The following CNTN1 variants were observed in gnomAD, a reference collection of about 807,000 sequenced individuals.
CNTN1 encodes contactin 1.
CNTN1 carries 38 observed loss-of-function variants against 126.4 expected under a neutral mutation model. The observed-to-expected ratio is 0.30, with a 90% confidence interval of 0.23 to 0.39. CNTN1 has a LOEUF of 0.39. CNTN1 is among the 10% of genes least tolerant of loss of function. The pLI, the probability that CNTN1 is intolerant of heterozygous loss-of-function variation, is 1.00. For missense variants in CNTN1, 1,009 were observed against 1,248.4 expected (o/e 0.81, Z 2.89); for synonymous variants, 413 against 422.6 (o/e 0.98, Z 0.28).
At chr12:40,696,039 G>T (rs926450749) in intron 1 of CNTN1, among the ~76,000 whole-genome samples, 31 of 152,312 alleles carry the variant, frequency 2.0e-4, no homozygotes, top group African/African-American at 7.5e-4. Context: ...GATTATCATA[G>T]CACTTACGTG....
At chr12:40,861,114 A>T (rs1468367117) in intron 1 of CNTN1, among the ~76,000 whole-genome samples, 1 of 152,148 alleles carries the variant, frequency 6.6e-6, no homozygotes, top group Non-Finnish European at 1.5e-5. Flanking sequence ...TTGGAAAGAA[A>T]CACATGGCTA....
At chr12:40,929,612 C>CA in intron 6 of CNTN1, among the ~76,000 whole-genome samples, 184 bp from the exon 7 acceptor site, 1 of 151,924 alleles carries the variant, frequency 6.6e-6, no homozygotes, top group South Asian at 2.1e-4. Context: ...TAGTGTAATG[C>CA]TTATATTCAT....
chr12:40,998,814 G>A (rs1423779235), intron 17 of CNTN1, among the ~76,000 whole-genome samples: 3 of 151,982 alleles, frequency 2.0e-5, no homozygotes, highest in East Asian at 3.8e-4. Context: ...TAAAAAAATT[G>A]TATTAAATCA....
chr12:40,994,351 G>T (rs1188030365), intron 17 of CNTN1, among the ~76,000 whole-genome samples: 2 of 152,000 alleles, frequency 1.3e-5, no homozygotes, highest in African/African-American at 4.8e-5. Flanking sequence ...ATGATTAAAG[G>T]TCTGTATTTG....
At chr12:40,725,235 C>G (rs1305875531) in intron 1 of CNTN1, among the ~76,000 whole-genome samples, 1 of 151,912 alleles carries the variant, frequency 6.6e-6, no homozygotes, top group Non-Finnish European at 1.5e-5. Flanking sequence ...AACCCTGTCT[C>G]TGCTAAAGAT....
chr12:40,824,848 C>T (rs1169063723), intron 1 of CNTN1, among the ~76,000 whole-genome samples: 2 of 152,164 alleles, frequency 1.3e-5, no homozygotes, highest in Non-Finnish European at 2.9e-5. Flanking sequence ...AATGTTTCTT[C>T]TGCTGATATG....
intron 17 of CNTN1, among the ~76,000 whole-genome samples, chr12:41,007,885 C>T (rs1300638456): frequency 6.6e-6 from 1 of 152,208 alleles, no homozygotes; most frequent in Non-Finnish European, 1.5e-5. Context: ...TTGTTTATGT[C>T]TGCAGCTCAA....
chr12:40,715,355 T>C (rs1225145289), intron 1 of CNTN1, among the ~76,000 whole-genome samples: 1 of 152,094 alleles, frequency 6.6e-6, no homozygotes, highest in African/African-American at 2.4e-5. Flanking sequence ...AAAATGATAA[T>C]GATGCCAAGA....
In CNTN1 at chr12:40,758,809, A is replaced by C. The variant is rs183993826; in HGVS notation, c.-77+66217A>C. Among the ~76,000 whole-genome samples, 6 of 152,320 alleles carry C rather than the reference A, an allele frequency of 3.9e-5. No homozygotes were observed. In the East Asian group the frequency reaches 1.2e-3, roughly 29 times the overall value. ...GGAAAGAGACTTTATTCCAGTGAAG[A>C]GTTTGCAAACCAGGGGAGACACAGC... On this transcript the variant is annotated intron_variant, in intron 1 of 23. Coordinates refer to ENST00000551295, the MANE Select transcript of CNTN1 (RefSeq NM_001843.4).
Position 40,720,637 on chromosome 12 carries a change from T to C in CNTN1, c.-77+28045T>C, listed in dbSNP as rs7962417. 1.3e-3 allele frequency among the ~76,000 whole-genome samples: 195 copies of C among 152,224 alleles called. 1 individual carries two copies. The highest frequency in any genetic ancestry group is 4.5e-3 in the African/African-American group (186 of 41,558). ...ATAACAATTTTTTGTGTAATTAAAA[T>C]ATATTGTCAGGCCAGGCGCGGTGGC... is the stretch of plus-strand genomic sequence containing the variant. On this transcript the variant is annotated intron_variant, in intron 1 of 23. Coordinates refer to ENST00000551295, the MANE Select transcript of CNTN1 (RefSeq NM_001843.4).
At chr12:40,829,949 T>C (rs747338440) in intron 1 of CNTN1, among the ~76,000 whole-genome samples, 1 of 152,142 alleles carries the variant, frequency 6.6e-6, no homozygotes, top group African/African-American at 2.4e-5. Context: ...ATAAGTAGAA[T>C]GGCAGTGCTA....
chr12:40,956,296 A>C (rs1328955466), intron 14 of CNTN1, among the ~76,000 whole-genome samples: 3 of 152,156 alleles, frequency 2.0e-5, no homozygotes, highest in Non-Finnish European at 2.9e-5. Flanking sequence ...TGCTAAATAA[A>C]ACAGACGTAT....
In CNTN1 at chr12:40,754,458, C is replaced by A. The variant is rs546862422; in HGVS notation, c.-77+61866C>A. 5.9e-5 allele frequency among the ~76,000 whole-genome samples: 9 copies of A among 152,126 alleles called. No individual in the cohort carries two copies. The East Asian group carries it at 1.4e-3, about 23-fold the overall frequency. On this transcript the variant is annotated intron_variant, in intron 1 of 23. Coordinates refer to ENST00000551295, the MANE Select transcript of CNTN1 (RefSeq NM_001843.4). The stretch of plus-strand genomic sequence containing the variant: ...AAATGCTATGTAAATAGTTGTTATA[C>A]TGTATTTTTTTATTTGTACTTTTTT...
chr12:41,019,086 G>A (rs1426510388), intron 19 of CNTN1, among the ~76,000 whole-genome samples: 1 of 152,156 alleles, frequency 6.6e-6, no homozygotes, highest in Non-Finnish European at 1.5e-5. Flanking sequence ...AACCTGGGAG[G>A]TGGAGGTTGT....
intron 1 of CNTN1, among the ~76,000 whole-genome samples, chr12:40,837,906 G>T (rs1458531563): frequency 6.6e-6 from 1 of 152,140 alleles, no homozygotes; most frequent in East Asian, 1.9e-4. Context: ...ACTGGTAGTG[G>T]TGGAGTATGA....
intron 1 of CNTN1, among the ~76,000 whole-genome samples, chr12:40,801,300 A>C (rs1022798551): frequency 3.3e-5 from 5 of 152,102 alleles, no homozygotes; most frequent in African/African-American, 9.6e-5. Flanking sequence ...ATTTGGTAAC[A>C]TCTATGTGCC....
At chr12:40,984,713 A>G (rs959044780) in intron 16 of CNTN1, among the ~76,000 whole-genome samples, 4 of 152,130 alleles carry the variant, frequency 2.6e-5, no homozygotes, top group African/African-American at 9.7e-5. Context: ...TATACCAACT[A>G]TGTATCACCA....
intron 1 of CNTN1, among the ~76,000 whole-genome samples, chr12:40,795,291 A>C (rs1940376664): frequency 3.4e-5 from 2 of 58,462 alleles, no homozygotes; most frequent in Non-Finnish European, 3.6e-5. Context: ...ACACACACAC[A>C]CACACACACA....
chr12:40,911,247 AT>A (rs1208737461), intron 3 of CNTN1, among the ~76,000 whole-genome samples: 1 of 151,828 alleles, frequency 6.6e-6, no homozygotes, highest in Non-Finnish European at 1.5e-5. Context: ...CGCCCGGCTA[AT>A]TTTTTGTATT....
Sources: allele counts gnomAD v4.1 joint callset (sites outside exome capture counted in the v4.1 genomes callset), GRCh38; gene constraint gnomAD v4.1.1; transcripts MANE v1.5; gene names NCBI Gene and HGNC (gene_info 2026-07-23, HGNC 2026-07-21).